The following DYM variants were observed in gnomAD, a reference collection of about 807,000 sequenced individuals.
DYM encodes dymeclin, also known as dyggve-Melchior-Clausen syndrome protein.
Under a neutral mutation model 93.1 loss-of-function variants are expected in DYM, and 78 were observed. The observed-to-expected ratio is 0.84, with a 90% confidence interval of 0.70 to 1.01. The LOEUF (loss-of-function observed/expected upper bound fraction) is 1.01. Among genes scored for constraint, DYM ranks in the 50% least tolerant of loss-of-function variants. The pLI, the probability that DYM is intolerant of heterozygous loss-of-function variation, is 0.00. For synonymous variants in DYM, 321 were observed against 319.7 expected, an observed-to-expected ratio of 1.00 and a Z score of -0.04; for missense variants, 789 against 845.0, an observed-to-expected ratio of 0.93 and a Z score of 0.82.
chr18:49,050,080 CTTT>C (rs555098372), intron 17 of DYM, among the ~76,000 whole-genome samples: 2 of 106,936 alleles, frequency 1.9e-5, no homozygotes, highest in African/African-American at 7.7e-5. Flanking sequence ...AGGTAACTTC[CTTT>C]TTTTTTTTTT....
At chr18:49,102,550 A>C (rs986444556) in intron 16 of DYM, among the ~76,000 whole-genome samples, 1 of 152,106 alleles carries the variant, frequency 6.6e-6, no homozygotes, top group African/African-American at 2.4e-5. Flanking sequence ...ATATCTCCAA[A>C]TGCTATCCGT....
chr18:49,275,420 T>C lies in DYM; in HGVS notation c.1126-3117A>G, dbSNP rs115388098. On this transcript the variant is annotated intron_variant, in intron 10 of 17. Transcript: ENST00000675505. ...GAAAGTATGAGTCCTCCAAATTTGTTCTTTTTCAGGATTGTTTTGGCTATT... is the reference window on the plus strand; with the variant it reads ...GAAAGTATGAGTCCTCCAAATTTGTCCTTTTTCAGGATTGTTTTGGCTATT... 3.5e-3 allele frequency among the ~76,000 whole-genome samples: 526 copies of C among 152,316 alleles called. 4 individuals carry two copies. The highest frequency in any genetic ancestry group is 0.012 in the African/African-American group (488 of 41,580).
At chr18:49,363,634 C>T (rs1205391074) in intron 5 of DYM, among the ~76,000 whole-genome samples, 1 of 152,146 alleles carries the variant, frequency 6.6e-6, no homozygotes, top group Non-Finnish European at 1.5e-5. Flanking sequence ...TTTATCCCTC[C>T]CTCCCCAACA....
At chr18:49,217,677 T>C (rs2093141551) in intron 13 of DYM, among the ~76,000 whole-genome samples, 1 of 152,054 alleles carries the variant, frequency 6.6e-6, no homozygotes, top group African/African-American at 2.4e-5. Flanking sequence ...GAAGGAGAAA[T>C]AAAATCCTTT....
intron 14 of DYM, among the ~76,000 whole-genome samples, chr18:49,196,943 A>G (rs979303623): frequency 6.6e-6 from 1 of 152,182 alleles, no homozygotes; most frequent in African/African-American, 2.4e-5. Context: ...AAAAAAGTAG[A>G]GATTTGATTT....
At chr18:49,054,700 G>T (rs1490753201) in intron 17 of DYM, among the ~76,000 whole-genome samples, 1 of 152,220 alleles carries the variant, frequency 6.6e-6, no homozygotes, top group African/African-American at 2.4e-5. Context: ...TGGCGACACA[G>T]AGGGACTTGG....
chr18:49,046,301 G>GCA (rs199501763), intron 17 of DYM, among the ~76,000 whole-genome samples: 15,827 of 141,948 alleles, frequency 0.11, 1,080 homozygotes, highest in East Asian at 0.27. Context: ...AGACATGCGC[G>GCA]CGCACACACA....
intron 1 of DYM, among the ~76,000 whole-genome samples, chr18:49,454,730 TCTA>T (rs1320576744): frequency 6.7e-6 from 1 of 148,320 alleles, no homozygotes; most frequent in African/African-American, 2.5e-5. Context: ...AAACCCCGTC[TCTA>T]CTAAAAATAC....
chr18:49,067,743 C>T (rs1380875453), intron 17 of DYM, among the ~76,000 whole-genome samples: 1 of 152,060 alleles, frequency 6.6e-6, no homozygotes, highest in Non-Finnish European at 1.5e-5. Flanking sequence ...TAACACACAA[C>T]AAAATAAAGT....
intron 2 of DYM, among the ~76,000 whole-genome samples, chr18:49,402,703 A>G (rs898495364): frequency 2.6e-5 from 4 of 152,190 alleles, no homozygotes; most frequent in Middle Eastern, 3.2e-3. Flanking sequence ...CACCCACTGG[A>G]TTCATAGGCG....
At chr18:49,162,231 T>C (rs12606288) in intron 15 of DYM, among the ~76,000 whole-genome samples, 11,580 of 152,214 alleles carry the variant, frequency 0.076, 728 homozygotes, top group East Asian at 0.29. Context: ...AGGTGATGTC[T>C]TAGTGCATTT....
intron 14 of DYM, among the ~76,000 whole-genome samples, chr18:49,193,362 A>G (rs2091157223): frequency 1.3e-5 from 2 of 152,118 alleles, no homozygotes; most frequent in Non-Finnish European, 2.9e-5. Context: ...CTATACATCT[A>G]AAGATCATTT....
chr18:49,066,814 A>C (rs2076427453), intron 17 of DYM, among the ~76,000 whole-genome samples: 1 of 152,008 alleles, frequency 6.6e-6, no homozygotes. Flanking sequence ...ATATTGTTAC[A>C]GCTTACAAGG....
chr18:49,454,488 C>T (rs1040780172), intron 1 of DYM, among the ~76,000 whole-genome samples: 1 of 152,124 alleles, frequency 6.6e-6, no homozygotes, highest in African/African-American at 2.4e-5. Context: ...ACTGGAAAGC[C>T]CATTTGCATA....
intron 8 of DYM, among the ~76,000 whole-genome samples, chr18:49,289,727 G>GTGTATATA (rs1555678602): frequency 4.2e-4 from 36 of 85,052 alleles, no homozygotes; most frequent in African/African-American, 6.1e-4. Context: ...ATATATATGT[G>GTGTATATA]TATATATATA....
chr18:49,057,861 C>T (rs999334678), intron 17 of DYM, among the ~76,000 whole-genome samples: 1 of 152,206 alleles, frequency 6.6e-6, no homozygotes, highest in African/African-American at 2.4e-5. Context: ...TTGGACAAAC[C>T]ATGTCCCTCT....
chr18:49,418,470 A>C (rs2073257873), intron 2 of DYM, among the ~76,000 whole-genome samples: 1 of 152,214 alleles, frequency 6.6e-6, no homozygotes, highest in Admixed American at 6.5e-5. Context: ...AAACTATTAA[A>C]TAATTTAAGA....
At chr18:49,182,655 T>A (rs75855906) in intron 14 of DYM, among the ~76,000 whole-genome samples, 1 of 152,184 alleles carries the variant, frequency 6.6e-6, no homozygotes, top group Non-Finnish European at 1.5e-5. Context: ...TAGTTTTCCA[T>A]TTGTCCTATT....
chr18:49,433,705 T>C (rs1250527346), intron 1 of DYM, among the ~76,000 whole-genome samples: 1 of 151,846 alleles, frequency 6.6e-6, no homozygotes, highest in Non-Finnish European at 1.5e-5. Context: ...CCGTCTCTAC[T>C]AAAAATACAA....
Sources: allele counts gnomAD v4.1 joint callset (sites outside exome capture counted in the v4.1 genomes callset), GRCh38; gene constraint gnomAD v4.1.1; transcripts MANE v1.5; gene names NCBI Gene and HGNC (gene_info 2026-07-23, HGNC 2026-07-21).